Variants in SLC4A8 observed in about 807,000 individuals in gnomAD.
SLC4A8 encodes the protein electroneutral sodium bicarbonate exchanger 1.
SLC4A8 carries 40 observed loss-of-function variants against 125.0 expected under a neutral mutation model. The observed-to-expected ratio is 0.32, with a 90% CI of 0.25 to 0.42. The LOEUF is 0.42. Ranked by LOEUF, SLC4A8 falls within the 10% of genes least tolerant of loss-of-function variation. SLC4A8 has a pLI of 1.00. For missense variants in SLC4A8, 863 were observed against 1,355.1 expected, an observed-to-expected ratio of 0.64 and a Z score of 5.70; for synonymous variants, 456 against 476.0, an observed-to-expected ratio of 0.96 and a Z score of 0.55.
At chr12:51,392,277 C>T (rs1948137362) in intron 1 of SLC4A8, 1 of 152,226 alleles carries the variant, frequency 6.6e-6, no homozygotes, top group Non-Finnish European at 1.5e-5. Flanking sequence ...CACCTGAGAA[C>T]TTATTAGAAA....
At chr12:51,420,729 C>T (rs2138002355), upstream of SLC4A8, among the ~76,000 whole-genome samples, 1 of 152,270 alleles carries the variant, frequency 6.6e-6, no homozygotes, top group East Asian at 1.9e-4. Flanking sequence ...CAGGAAGCCA[C>T]AAAGAAAGAG....
chr12:51,441,269 A>C, intron 2 of SLC4A8: 3 of 903,934 alleles, frequency 3.3e-6, no homozygotes, highest in Non-Finnish European at 4.0e-6. Flanking sequence ...GGTTTCATCT[A>C]AACAAGAGGG....
At chr12:51,400,696 G>T (rs1410429001) in intron 1 of SLC4A8, among the ~76,000 whole-genome samples, 1 of 117,936 alleles carries the variant, frequency 8.5e-6, no homozygotes, top group African/African-American at 3.3e-5. Flanking sequence ...TTTTTCCAAC[G>T]GTACTTGAGA....
chr12:51,396,202 G>A (rs1948257555), intron 1 of SLC4A8, among the ~76,000 whole-genome samples: 1 of 152,214 alleles, frequency 6.6e-6, no homozygotes, highest in Admixed American at 6.5e-5. Context: ...TATAATATTA[G>A]CTGTTTTTCT....
chr12:51,415,651 A>G (rs1378233302), intron 1 of SLC4A8, among the ~76,000 whole-genome samples: 1 of 151,568 alleles, frequency 6.6e-6, no homozygotes, highest in Non-Finnish European at 1.5e-5. Context: ...TTGCTATGTT[A>G]TTTGTTTACT....
upstream of SLC4A8, chr12:51,422,320 CTGAA>C (rs1948807056): frequency 6.6e-6 from 1 of 151,934 alleles, no homozygotes; most frequent in African/African-American, 2.4e-5. Context: ...AAAATAAAGT[CTGAA>C]TGAATTAGCC....
chr12:51,506,008 T>C (rs1180980191), intron 24 of SLC4A8, 78 bp downstream of exon 24: 6 of 709,648 alleles, frequency 8.5e-6, no homozygotes, highest in Non-Finnish European at 1.5e-5. Flanking sequence ...AAATGTGTTT[T>C]AGTTGTAAAA....
intron 11 of SLC4A8, among the ~76,000 whole-genome samples, chr12:51,467,833 T>C (rs1475006144): frequency 6.6e-6 from 1 of 152,212 alleles, no homozygotes; most frequent in Non-Finnish European, 1.5e-5. Flanking sequence ...ACATTTTACC[T>C]GTAAATACTT....
chr12:51,497,127 C>T lies in SLC4A8; in HGVS notation c.3081+3C>T, dbSNP rs557103899. 6.2e-7 allele frequency: 1 copy of T among 1,610,788 alleles called. No homozygotes were observed. The highest frequency in any genetic ancestry group is 1.3e-5 in the African/African-American group (1 of 74,690). ...AAAAGAAGGCCAAGGAGGAAGAGGT[C>T]ATAGTCCTTGCACCAACTGTATACC... On this transcript the variant is annotated splice_donor_region_variant and intron_variant, in intron 22 of 24. Transcript: ENST00000453097.
chr12:51,403,376 T>C, intron 1 of SLC4A8: 1 of 397,920 alleles, frequency 2.5e-6, no homozygotes, highest in Non-Finnish European at 5.2e-6. Flanking sequence ...TGACAGCCTG[T>C]TGATGAGCTT....
In SLC4A8 at chr12:51,460,219, G is replaced by T. The variant is rs1233114955; in HGVS notation, c.1013+111G>T. 15 of 958,354 alleles carry T rather than the reference G, an allele frequency of 1.6e-5. No individual in the cohort carries two copies. The Admixed American group carries it at 2.9e-4, about 18-fold the overall frequency. The allele number at this position is 958,354 out of a possible 1,614,324, so 59.4% of individuals were successfully genotyped here. A position where few individuals can be genotyped will look rare whatever the true frequency, so the allele number is the denominator to read the frequency against. On this transcript the variant is annotated intron_variant, in intron 8 of 24. Coordinates refer to ENST00000453097, the MANE Select transcript of SLC4A8 (RefSeq NM_001039960.3). ...TTAGAATTAATTAATTTTAGGAATG[G>T]TGTTTACAATTCAGCAGAAAAGCCA... is the stretch of plus-strand genomic sequence containing the variant.
chr12:51,483,139 G>A (rs571147704), intron 16 of SLC4A8, among the ~76,000 whole-genome samples: 3 of 152,188 alleles, frequency 2.0e-5, no homozygotes, highest in South Asian at 2.1e-4. Flanking sequence ...TGCTTCTCTC[G>A]GCCTTGGTGG....
At chr12:51,420,668 T>C (rs1184594442), upstream of SLC4A8, among the ~76,000 whole-genome samples, 3 of 152,270 alleles carry the variant, frequency 2.0e-5, no homozygotes, top group Admixed American at 2.0e-4. Context: ...CCACTGGTAT[T>C]ATAGAAGAGA....
rs532671464 is a variant in SLC4A8, at chr12:51,408,376, C to T, written c.-112+16888C>T. Among the ~76,000 whole-genome samples, 245 of 152,094 alleles carry T rather than the reference C, an allele frequency of 1.6e-3. 1 individual carries two copies. The highest frequency in any genetic ancestry group is 5.5e-3 in the African/African-American group (230 of 41,474). On this transcript the variant is annotated intron_variant, in intron 1 of 24. Transcript: ENST00000358657. ...TCCAGAGTAGCTAGGATTACAGGCG[C>T]GTGCCACCATACCCAGCTAATTTTT...
chr12:51,497,317 G>T (rs2138425637), intron 22 of SLC4A8, 193 bp downstream of exon 22: 1 of 585,220 alleles, frequency 1.7e-6, no homozygotes, highest in Non-Finnish European at 2.9e-6. Context: ...TTTTGGGTTT[G>T]ACAACCACTT....
chr12:51,457,625 G>A, intron 6 of SLC4A8, 86 bp downstream of exon 6: 2 of 1,247,766 alleles, frequency 1.6e-6, no homozygotes, highest in East Asian at 2.3e-5. Context: ...GGTGGGGGCT[G>A]TATTTGTCTA....
rs1197789890 is a variant in SLC4A8, at chr12:51,453,657, G to T, written c.532G>T (p.Val178Phe). ...ELRSCLINGT[V>F]LLDMHANSIE... ...AAGGAGCTGCCTTATTAATGGAACAGTCCTCCTGGATATGCATGCAAATAG... is the reference window on the plus strand; with the variant it reads ...AAGGAGCTGCCTTATTAATGGAACATTCCTCCTGGATATGCATGCAAATAG... Residue 178 changes from valine to phenylalanine, a missense_variant, in exon 5 of 25, where the codon GTC (valine) becomes TTC (phenylalanine). Transcript: ENST00000453097. 1 of 1,614,156 alleles carries T rather than the reference G, an allele frequency of 6.2e-7. No individual in the cohort carries two copies. Among genetic ancestry groups the T allele is most frequent in the Non-Finnish European group, 8.5e-7 (1 of 1,179,994 alleles).
intron 19 of SLC4A8, among the ~76,000 whole-genome samples, chr12:51,492,444 A>AACTCCC (rs1290279407): frequency 4.6e-5 from 7 of 151,958 alleles, no homozygotes; most frequent in Non-Finnish European, 8.8e-5. Flanking sequence ...TCCCCAGCCC[A>AACTCCC]ACTCCCACTC....
chr12:51,417,159 G>A (rs986810333), intron 1 of SLC4A8, among the ~76,000 whole-genome samples: 7 of 151,932 alleles, frequency 4.6e-5, no homozygotes, highest in Non-Finnish European at 8.8e-5. Flanking sequence ...CATCACACAT[G>A]AAAATTAACC....
Sources: allele counts gnomAD v4.1 joint callset (sites outside exome capture counted in the v4.1 genomes callset), GRCh38; gene constraint gnomAD v4.1.1; transcripts MANE v1.5; gene names NCBI Gene and HGNC (gene_info 2026-07-23, HGNC 2026-07-21).